The following DTNA variants were observed in gnomAD, a reference collection of about 807,000 sequenced individuals.
DTNA encodes the protein dystrobrevin alpha.
DTNA carries 43 observed loss-of-function variants against 100.7 expected under a neutral mutation model. The ratio of observed to expected loss-of-function variants is 0.43; its 90% confidence interval spans 0.33 to 0.55. The LOEUF is 0.55. Among genes scored for constraint, DTNA ranks in the 20% least tolerant of loss-of-function variants. DTNA has a pLI of 0.04. For synonymous variants in DTNA, 349 were observed against 347.9 expected, an observed-to-expected ratio of 1.00 and a Z score of -0.04; for missense variants, 798 against 953.9, an observed-to-expected ratio of 0.84 and a Z score of 2.15.
Position 34,888,129 on chromosome 18 carries a change from TAAC to T in DTNA, c.*398_*400del, listed in dbSNP as rs1312341124. 1.1e-5 allele frequency: 11 copies of T among 985,796 alleles called. No individual in the cohort carries two copies. Among genetic ancestry groups the T allele is most frequent in the Non-Finnish European group, 1.3e-5 (11 of 829,952 alleles). The allele number at this position is 985,796 out of a possible 1,614,324, so 61.1% of individuals were successfully genotyped here. On this transcript the variant is annotated 3_prime_UTR_variant, in exon 23 of 23. Coordinates refer to ENST00000444659, the MANE Select transcript of DTNA (RefSeq NM_001386795.1). ...CTGCTGTTATACACAATGGCAGTAT[TAAC>T]AAGCATTTTAAACCTTTGCACATGA...
At chr18:34,503,853 G>A (rs1311961854) in intron 1 of DTNA, among the ~76,000 whole-genome samples, 1 of 151,586 alleles carries the variant, frequency 6.6e-6, no homozygotes, top group African/African-American at 2.4e-5. Flanking sequence ...TTGAGACAGA[G>A]TCTCGCTGTG....
chr18:34,567,606 A>G (rs1212065141), intron 1 of DTNA, among the ~76,000 whole-genome samples: 1 of 152,168 alleles, frequency 6.6e-6, no homozygotes, highest in Non-Finnish European at 1.5e-5. Flanking sequence ...CTGATAACCT[A>G]TAAACTTAGA....
At chr18:34,713,318 T>A (rs1288369159) in intron 1 of DTNA, among the ~76,000 whole-genome samples, 4 of 152,206 alleles carry the variant, frequency 2.6e-5, no homozygotes, top group Admixed American at 2.6e-4. Context: ...TAATTAATTA[T>A]GTTAATAGCA....
At chr18:34,581,721 A>T (rs1433314630) in intron 1 of DTNA, among the ~76,000 whole-genome samples, 5 of 151,160 alleles carry the variant, frequency 3.3e-5, no homozygotes, top group Admixed American at 6.6e-5. Context: ...CCTGGCTTCA[A>T]GCGATGATTC....
intron 14 of DTNA, among the ~76,000 whole-genome samples, chr18:34,851,016 G>A (rs2096467915): frequency 6.6e-6 from 1 of 152,136 alleles, no homozygotes; most frequent in South Asian, 2.1e-4. Flanking sequence ...AATTACATGT[G>A]TGAATAAAGA....
At chr18:34,877,601 G>A in intron 18 of DTNA, 118 bp from the exon 19 acceptor site, 2 of 813,792 alleles carry the variant, frequency 2.5e-6, no homozygotes, top group Non-Finnish European at 3.9e-6. Context: ...CTTCTGAAAA[G>A]GAGAAGTCTT....
intron 1 of DTNA, among the ~76,000 whole-genome samples, chr18:34,586,058 C>A (rs983381721): frequency 6.6e-6 from 1 of 152,166 alleles, no homozygotes; most frequent in Non-Finnish European, 1.5e-5. Flanking sequence ...ACAGGCTTTA[C>A]ACCTGTTACT....
rs1281395681 is a variant in DTNA at position 34,712,872 on chromosome 18, A to C, written c.-2+2427A>C. Among the ~76,000 whole-genome samples, 8 of 152,264 alleles carry C rather than the reference A, an allele frequency of 5.3e-5. No individual in the cohort carries two copies. In the East Asian group the frequency reaches 1.5e-3, roughly 29 times the overall value. On this transcript the variant is annotated intron_variant, in intron 1 of 22. Coordinates refer to ENST00000444659, the MANE Select transcript of DTNA (RefSeq NM_001386795.1). ...TATTTAACAGTTTTTTAACATGTTA[A>C]AAAACAACCATATTGAGTAAAATAG...
intron 1 of DTNA, among the ~76,000 whole-genome samples, chr18:34,558,335 C>T (rs945798793): frequency 4.6e-5 from 7 of 152,184 alleles, no homozygotes; most frequent in South Asian, 4.1e-4. Context: ...TCTTCTGCGT[C>T]GCTCACCCTG....
At chr18:34,568,548 A>G (rs1234777448) in intron 1 of DTNA, among the ~76,000 whole-genome samples, 1 of 152,124 alleles carries the variant, frequency 6.6e-6, no homozygotes, top group Admixed American at 6.5e-5. Context: ...TTCCTCATGC[A>G]TAATCATAAA....
At chr18:34,544,499 T>C (rs2044567656) in intron 1 of DTNA, among the ~76,000 whole-genome samples, 2 of 151,998 alleles carry the variant, frequency 1.3e-5, no homozygotes, top group African/African-American at 4.8e-5. Flanking sequence ...GAAAGGAAAA[T>C]CAAGGAATTC....
rs112956745 is a variant in DTNA, at chr18:34,876,996, G to C, written c.1904-723G>C. On this transcript the variant is annotated intron_variant, in intron 18 of 22. Coordinates refer to ENST00000444659, the MANE Select transcript of DTNA (RefSeq NM_001386795.1). ...TTAGTATTACTTTCTGAAAAATGACGGAATGAAATTCCATTAACCCTTAGT... is the reference window on the plus strand; with the variant it reads ...TTAGTATTACTTTCTGAAAAATGACCGAATGAAATTCCATTAACCCTTAGT... Among the ~76,000 whole-genome samples the C allele has an allele frequency of 9.6e-3, 1,452 of 151,652 alleles. 22 individuals are homozygous for C. The highest frequency in any genetic ancestry group is 0.032 in the African/African-American group (1,310 of 41,288).
intron 1 of DTNA, among the ~76,000 whole-genome samples, chr18:34,724,611 C>T (rs1600854725): frequency 6.6e-6 from 1 of 152,218 alleles, no homozygotes; most frequent in East Asian, 1.9e-4. Flanking sequence ...GGGAGAGGTG[C>T]CAGGCTCTTT....
At chr18:34,742,343 C>T (rs985108715) in intron 1 of DTNA, among the ~76,000 whole-genome samples, 1 of 152,078 alleles carries the variant, frequency 6.6e-6, no homozygotes, top group Admixed American at 6.6e-5. Context: ...AGAGTGTTGG[C>T]AGGGCTGCGT....
At chr18:34,543,651 A>G (rs2044471231) in intron 1 of DTNA, among the ~76,000 whole-genome samples, 1 of 152,080 alleles carries the variant, frequency 6.6e-6, no homozygotes, top group African/African-American at 2.4e-5. Context: ...TCCTTCCACA[A>G]TTTCTGGAAT....
In DTNA at chr18:34,889,286, G is replaced by A; in HGVS notation, c.*1552G>A. ...GACAAGCAGCATCTGCAACACTTAGGAAGGTCTTCGAAATACTAATTTGTA... is the reference window on the plus strand; with the variant it reads ...GACAAGCAGCATCTGCAACACTTAGAAAGGTCTTCGAAATACTAATTTGTA... On this transcript the variant is annotated 3_prime_UTR_variant, in exon 23 of 23. Coordinates refer to ENST00000444659, the MANE Select transcript of DTNA (RefSeq NM_001386795.1). 1.0e-6 allele frequency: 1 copy of A among 983,414 alleles called. No individual in the cohort carries two copies. Among genetic ancestry groups the A allele is most frequent in the South Asian group, 4.7e-5 (1 of 21,244 alleles). 60.9% of individuals were successfully genotyped at this position (983,414 alleles called of 1,614,324 possible). A position where few individuals can be genotyped will look rare whatever the true frequency, so the allele number is the denominator to read the frequency against.
At chr18:34,642,387 A>G (rs1322371964) in intron 1 of DTNA, among the ~76,000 whole-genome samples, 2 of 152,084 alleles carry the variant, frequency 1.3e-5, no homozygotes, top group Admixed American at 1.3e-4. Context: ...ACTTTTCTTT[A>G]CTACTTAAGG....
At chr18:34,833,435 T>A (rs563382055) in intron 11 of DTNA, among the ~76,000 whole-genome samples, 74 of 149,870 alleles carry the variant, frequency 4.9e-4, no homozygotes, top group Non-Finnish European at 9.5e-4. Flanking sequence ...TGTGTGTGTG[T>A]GAGAAAAATT....
intron 19 of DTNA, among the ~76,000 whole-genome samples, chr18:34,878,082 C>G (rs2096836299): frequency 6.6e-6 from 1 of 152,046 alleles, no homozygotes; most frequent in Non-Finnish European, 1.5e-5. Flanking sequence ...AAGTGATCCC[C>G]CTACCTCAGC....
Sources: gnomAD v4.1 joint callset for allele counts (sites outside exome capture counted in the v4.1 genomes callset) on GRCh38, gnomAD v4.1.1 for gene constraint, MANE v1.5 for transcripts, NCBI Gene and HGNC (gene_info 2026-07-23, HGNC 2026-07-21) for gene names.